Variants in MYT1L observed in about 807,000 individuals in gnomAD.
MYT1L encodes myelin transcription factor 1 like.
Under a neutral mutation model 126.7 loss-of-function variants are expected in MYT1L, and 12 were observed. The observed-to-expected ratio is 0.09, with a 90% CI of 0.06 to 0.15. The LOEUF is 0.15. MYT1L is among the 10% of genes least tolerant of loss of function. The probability of loss-of-function intolerance (pLI) is 1.00; values close to 1 mark genes in which losing one functional copy is unlikely to be tolerated. For synonymous variants in MYT1L, 541 were observed against 604.2 expected (o/e 0.90, Z 1.53); for missense variants, 979 against 1,585.2 (o/e 0.62, Z 6.49).
intron 2 of MYT1L, among the ~76,000 whole-genome samples, chr2:2,243,372 C>A (rs1220449359): frequency 6.6e-6 from 1 of 152,168 alleles, no homozygotes; most frequent in African/African-American, 2.4e-5. Flanking sequence ...ACAAACTTAT[C>A]TCTCAAGGTT....
At chr2:2,218,544 G>A (rs531396106) in intron 2 of MYT1L, among the ~76,000 whole-genome samples, 2 of 152,220 alleles carry the variant, frequency 1.3e-5, no homozygotes, top group South Asian at 4.2e-4. Flanking sequence ...GCAGTTCCAT[G>A]GTTGTGTGGG....
intron 8 of MYT1L, among the ~76,000 whole-genome samples, chr2:1,973,084 T>A (rs1452252548): frequency 6.6e-6 from 1 of 152,156 alleles, no homozygotes; most frequent in Admixed American, 6.6e-5. Flanking sequence ...AGAAATAAAT[T>A]CAGAGGGATC....
intron 3 of MYT1L, among the ~76,000 whole-genome samples, chr2:2,054,591 G>A (rs898810036): frequency 3.3e-5 from 5 of 151,960 alleles, no homozygotes; most frequent in African/African-American, 1.2e-4. Flanking sequence ...GAGACACATG[G>A]AGATGAGACA....
At chr2:2,321,515 G>C (rs2096165847) in intron 1 of MYT1L, among the ~76,000 whole-genome samples, 2 of 152,142 alleles carry the variant, frequency 1.3e-5, no homozygotes, top group Admixed American at 1.3e-4. Context: ...CTTAAGAATG[G>C]TTTATTGCTT....
At chr2:1,914,645 C>G (rs1183430634) in intron 11 of MYT1L, among the ~76,000 whole-genome samples, 2 of 152,344 alleles carry the variant, frequency 1.3e-5, no homozygotes, top group African/African-American at 2.4e-5. Flanking sequence ...CGGTTCTCCA[C>G]CAAATGTGGC....
chr2:1,893,210 A>T (rs1195527287), intron 14 of MYT1L, among the ~76,000 whole-genome samples: 3 of 152,172 alleles, frequency 2.0e-5, no homozygotes, highest in Admixed American at 2.0e-4. Flanking sequence ...AGTACATGAC[A>T]ATGTTTCAGT....
At chr2:2,291,049 G>A (rs548112767) in intron 1 of MYT1L, among the ~76,000 whole-genome samples, 1 of 150,268 alleles carries the variant, frequency 6.7e-6, no homozygotes, top group South Asian at 2.2e-4. Context: ...TTATGTAAGG[G>A]AAAGGCTAGG....
intron 2 of MYT1L, among the ~76,000 whole-genome samples, chr2:2,244,553 C>T (rs946205287): frequency 5.9e-5 from 9 of 152,128 alleles, no homozygotes; most frequent in African/African-American, 1.2e-4. Context: ...TTTCAGATAT[C>T]GGTGATGAGG....
intron 1 of MYT1L, among the ~76,000 whole-genome samples, chr2:2,309,893 C>A (rs534863744): frequency 6.6e-6 from 1 of 151,722 alleles, no homozygotes; most frequent in Non-Finnish European, 1.5e-5. Context: ...CACACTCTAC[C>A]CATACTCCAC....
rs116545075 is a variant in MYT1L, at chr2:1,808,317, G to A, written c.3172+759C>T. Among the ~76,000 whole-genome samples the A allele has an allele frequency of 3.5e-3, 537 of 152,304 alleles. 5 individuals carry two copies. Among genetic ancestry groups the A allele is most frequent in the African/African-American group, 0.012 (519 of 41,558 alleles). ...CCTGTCTGAAGGGAGCTTGGCTAGCGTGTGTTTTCTCTGTGAGGCACATCA... is the reference window on the plus strand; with the variant it reads ...CCTGTCTGAAGGGAGCTTGGCTAGCATGTGTTTTCTCTGTGAGGCACATCA... On this transcript the variant is annotated intron_variant, in intron 22 of 24. Transcript: ENST00000647738.
chr2:2,193,960 T>A (rs1225147805), intron 2 of MYT1L, among the ~76,000 whole-genome samples: 1 of 148,776 alleles, frequency 6.7e-6, no homozygotes, highest in Non-Finnish European at 1.5e-5. Flanking sequence ...TTAATAAAAA[T>A]TATGTTTTTG....
chr2:2,244,257 T>C (rs1014354080), intron 2 of MYT1L, among the ~76,000 whole-genome samples: 17 of 152,324 alleles, frequency 1.1e-4, no homozygotes, highest in African/African-American at 4.1e-4. Context: ...AAAGGGTAGT[T>C]TTCCCAAAGA....
intron 3 of MYT1L, among the ~76,000 whole-genome samples, chr2:2,130,198 G>A (rs1245408630): frequency 3.3e-5 from 5 of 151,988 alleles, no homozygotes; most frequent in Non-Finnish European, 5.9e-5. Flanking sequence ...GCAAGTCACA[G>A]AGGTAGCAGC....
chr2:2,178,005 T>C (rs2091013706), intron 2 of MYT1L, among the ~76,000 whole-genome samples: 1 of 152,184 alleles, frequency 6.6e-6, no homozygotes, highest in Admixed American at 6.5e-5. Context: ...AGAAAAACTT[T>C]CACTTTTTAC....
Position 2,110,618 on chromosome 2 carries a change from C to T in MYT1L, c.-303-56495G>A, listed in dbSNP as rs181867526. ...TCCCTCTATTTCCTCCTCCCCTCTCCCTCTCCCTCCCCTCATTCTTTCCTT... is the reference window on the plus strand; with the variant it reads ...TCCCTCTATTTCCTCCTCCCCTCTCTCTCTCCCTCCCCTCATTCTTTCCTT... On this transcript the variant is annotated intron_variant, in intron 3 of 24. Transcript: ENST00000647738. Among the ~76,000 whole-genome samples, 590 of 150,444 alleles carry T rather than the reference C, an allele frequency of 3.9e-3. 4 individuals are homozygous for T. The highest frequency in any genetic ancestry group is 0.014 in the African/African-American group (562 of 40,992).
Position 1,889,495 on chromosome 2 carries a change from T to C in MYT1L, c.2284-18A>G, listed in dbSNP as rs753146274. 55 of 1,568,332 alleles carry C rather than the reference T, an allele frequency of 3.5e-5. No homozygotes were observed. Among genetic ancestry groups the C allele is most frequent in the Non-Finnish European group, 4.5e-5 (52 of 1,152,924 alleles). On this transcript the variant is annotated intron_variant, in intron 15 of 24. Transcript: ENST00000647738. The surrounding 1 kb of genome is among the most constrained non-coding windows in gnomAD (Gnocchi z 4.1). ...TCAGGGTTCTGTCGGTAGAAAGACA[T>C]AGTGACTGTGCTTGGCCCGGCATCT...
chr2:1,861,501 ATCT>A (rs2044594237), intron 18 of MYT1L, among the ~76,000 whole-genome samples: 1 of 143,144 alleles, frequency 7.0e-6, no homozygotes, highest in Non-Finnish European at 1.5e-5. Flanking sequence ...TGGTTTGTGA[ATCT>A]TTTTTTTTTT....
chr2:1,943,805 T>C lies in MYT1L; in HGVS notation c.153-471A>G, dbSNP rs2056927684. Among the ~76,000 whole-genome samples, 1 of 152,232 alleles carries C rather than the reference T, an allele frequency of 6.6e-6. No homozygotes were observed. Among genetic ancestry groups the C allele is most frequent in the Admixed American group, 6.5e-5 (1 of 15,288 alleles). Reference sequence around the variant, plus strand: ...AAATGTCTATGTCGTGAAAGAGCTTTGGATATATTTGGATTTGTATATTTT... The same window carrying C: ...AAATGTCTATGTCGTGAAAGAGCTTCGGATATATTTGGATTTGTATATTTT... On this transcript the variant is annotated intron_variant, in intron 8 of 24. Transcript: ENST00000647738. The surrounding 1 kb of genome is among the most constrained non-coding windows in gnomAD (Gnocchi z 4.4).
At chr2:1,946,079 C>G (rs917917022) in intron 8 of MYT1L, among the ~76,000 whole-genome samples, 5 of 152,112 alleles carry the variant, frequency 3.3e-5, no homozygotes, top group African/African-American at 9.7e-5. Context: ...CTGAGCTCTG[C>G]CTCCTGTCAG....
Sources: gnomAD v4.1 joint callset for allele counts (sites outside exome capture counted in the v4.1 genomes callset) on GRCh38, gnomAD v4.1.1 for gene constraint, Gnocchi (gnomAD v3.1) non-coding constraint, MANE v1.5 for transcripts, NCBI Gene and HGNC (gene_info 2026-07-23, HGNC 2026-07-21) for gene names.